Variants in DAB2IP observed in about 807,000 individuals in gnomAD.
The protein encoded by DAB2IP is DAB2 interacting protein, also known as disabled homolog 2-interacting protein.
In DAB2IP, 28 loss-of-function variants were observed where a neutral mutation model predicts 107.2. That is an observed-to-expected ratio of 0.26 (90% CI 0.19 to 0.36). DAB2IP has a LOEUF of 0.36. DAB2IP is among the 10% of genes least tolerant of loss of function. DAB2IP has a pLI of 1.00. For missense variants in DAB2IP, 1,400 were observed against 1,644.7 expected (o/e 0.85, Z 2.57); for synonymous variants, 755 against 706.4 (o/e 1.07, Z -1.09).
chr9:121,779,104 A>G (rs1490246561), intron 14 of DAB2IP, among the ~76,000 whole-genome samples: 1 of 151,774 alleles, frequency 6.6e-6, no homozygotes, highest in African/African-American at 2.4e-5. Context: ...TCTCTTTGAT[A>G]GTTTCTATGA....
exon 10 of DAB2IP, chr9:121,768,600 A>G: frequency 6.2e-7 from 1 of 1,613,980 alleles, no homozygotes; most frequent in South Asian, 1.1e-5. Context: ...GCCTGCACTC[A>G]CTGCTCTGGG....
chr9:121,616,571 C>T (rs371360899), intron 1 of DAB2IP, among the ~76,000 whole-genome samples: 79 of 152,258 alleles, frequency 5.2e-4, no homozygotes, highest in Middle Eastern at 3.4e-3. Flanking sequence ...TATTTTTTAG[C>T]TTTGAATTTT....
At chr9:121,606,778 T>A (rs1473904038) in intron 1 of DAB2IP, among the ~76,000 whole-genome samples, 1 of 150,010 alleles carries the variant, frequency 6.7e-6, no homozygotes. Context: ...TGTTTTTTGT[T>A]TTTTTTTTTT....
intron 1 of DAB2IP, among the ~76,000 whole-genome samples, chr9:121,671,183 A>C (rs1227285237): frequency 6.6e-6 from 1 of 152,030 alleles, no homozygotes; most frequent in East Asian, 1.9e-4. Flanking sequence ...ACAAAGAACA[A>C]AAATTAGCCG....
At chr9:121,594,042 T>C (rs1830474559) in intron 1 of DAB2IP, among the ~76,000 whole-genome samples, 1 of 152,068 alleles carries the variant, frequency 6.6e-6, no homozygotes, top group African/African-American at 2.4e-5. Context: ...ACCATAGTCA[T>C]ATAATTGCTA....
chr9:121,597,268 A>T (rs879514809), intron 1 of DAB2IP, among the ~76,000 whole-genome samples: 1 of 152,160 alleles, frequency 6.6e-6, no homozygotes, highest in Non-Finnish European at 1.5e-5. Context: ...TTTTCAGTAC[A>T]CCTGGAACTG....
chr9:121,670,454 C>T (rs1833629704), intron 1 of DAB2IP, among the ~76,000 whole-genome samples: 1 of 152,232 alleles, frequency 6.6e-6, no homozygotes, highest in Admixed American at 6.5e-5. Context: ...TAGGGAAAAA[C>T]CCATTTCATT....
chr9:121,611,544 G>A (rs899849893), intron 1 of DAB2IP, among the ~76,000 whole-genome samples: 9 of 151,988 alleles, frequency 5.9e-5, no homozygotes, highest in African/African-American at 1.9e-4. Context: ...TATAAATTGC[G>A]GATAATAATA....
chr9:121,697,026 G>A (rs1038020972), intron 2 of DAB2IP, among the ~76,000 whole-genome samples: 5 of 152,184 alleles, frequency 3.3e-5, no homozygotes, highest in African/African-American at 1.2e-4. Context: ...ATATGACAGG[G>A]TATTAGGAGT....
intron 3 of DAB2IP, among the ~76,000 whole-genome samples, chr9:121,710,599 A>G (rs1208552271): frequency 3.3e-5 from 5 of 152,178 alleles, no homozygotes; most frequent in Non-Finnish European, 7.4e-5. Context: ...GAGGTGGGGC[A>G]GGTACAAGAA....
intron 1 of DAB2IP, among the ~76,000 whole-genome samples, chr9:121,656,541 A>T (rs1832979825): frequency 2.0e-5 from 3 of 152,202 alleles, no homozygotes; most frequent in Admixed American, 1.3e-4. Flanking sequence ...GCCAAGACAC[A>T]ATCTTTCATT....
At chr9:121,743,797 A>G (rs953159976) in intron 3 of DAB2IP, among the ~76,000 whole-genome samples, 20 of 152,192 alleles carry the variant, frequency 1.3e-4, no homozygotes, top group African/African-American at 4.6e-4. Context: ...GGAGACCTGA[A>G]TGAGCTGGGC....
intron 3 of DAB2IP, among the ~76,000 whole-genome samples, chr9:121,719,301 G>T (rs1034490975): frequency 3.3e-5 from 5 of 152,222 alleles, no homozygotes; most frequent in Non-Finnish European, 5.9e-5. Flanking sequence ...TCTCTGCTGG[G>T]GGTTGGGGAA....
At chr9:121,596,071 A>G (rs1830523372) in intron 1 of DAB2IP, among the ~76,000 whole-genome samples, 1 of 152,176 alleles carries the variant, frequency 6.6e-6, no homozygotes. Flanking sequence ...CTGTAATCCC[A>G]GCACTTTAGG....
intron 1 of DAB2IP, among the ~76,000 whole-genome samples, chr9:121,619,577 C>T (rs139985400): frequency 3.3e-5 from 5 of 152,156 alleles, no homozygotes; most frequent in Non-Finnish European, 5.9e-5. Context: ...AAATTTATCC[C>T]GGATTATATG....
chr9:121,644,269 A>C (rs1832460788), intron 1 of DAB2IP, among the ~76,000 whole-genome samples: 1 of 151,904 alleles, frequency 6.6e-6, no homozygotes, highest in Non-Finnish European at 1.5e-5. Context: ...AAAGGAGGGA[A>C]GGAAGGAAAG....
chr9:121,583,373 T>G (rs958993512), intron 1 of DAB2IP, among the ~76,000 whole-genome samples: 1 of 151,896 alleles, frequency 6.6e-6, no homozygotes, highest in Non-Finnish European at 1.5e-5. Context: ...CCTGGGCAAC[T>G]GAGTGAGACT....
chr9:121,771,279 G>A (rs986658982), intron 11 of DAB2IP, among the ~76,000 whole-genome samples: 5 of 152,160 alleles, frequency 3.3e-5, no homozygotes, highest in African/African-American at 1.2e-4. Flanking sequence ...AAGGCAAAAT[G>A]TTCTTGTTTA....
intron 1 of DAB2IP, among the ~76,000 whole-genome samples, chr9:121,595,935 C>T (rs1304532783): frequency 1.3e-5 from 2 of 152,152 alleles, no homozygotes; most frequent in Non-Finnish European, 2.9e-5. Flanking sequence ...GTAATCCCAA[C>T]ACTTTGTTTG....
Sources: allele counts gnomAD v4.1 joint callset (sites outside exome capture counted in the v4.1 genomes callset), GRCh38; gene constraint gnomAD v4.1.1; transcripts MANE v1.5; gene names NCBI Gene and HGNC (gene_info 2026-07-23, HGNC 2026-07-21).